The following STAC variants were observed in gnomAD, a reference collection of about 807,000 sequenced individuals.
The protein encoded by STAC is SH3 and cysteine-rich domain-containing protein.
In STAC, 43 loss-of-function variants were observed where a neutral mutation model predicts 48.8. The observed-to-expected ratio is 0.88, with a 90% CI of 0.69 to 1.14. STAC has a LOEUF of 1.14. Among genes scored for constraint, STAC ranks in the 50% most tolerant of loss-of-function variants. The pLI is 0.00. For synonymous variants in STAC, 193 were observed against 179.5 expected, an observed-to-expected ratio of 1.07 and a Z score of -0.60; for missense variants, 497 against 504.0, an observed-to-expected ratio of 0.99 and a Z score of 0.13.
At chr3:36,536,717 A>G (rs1374247746) in intron 10 of STAC, among the ~76,000 whole-genome samples, 2 of 152,210 alleles carry the variant, frequency 1.3e-5, no homozygotes, top group Non-Finnish European at 2.9e-5. Flanking sequence ...GCACAGCAAA[A>G]GAAACTATCA....
chr3:36,412,428 T>C (rs919783501), intron 1 of STAC, among the ~76,000 whole-genome samples: 78 of 150,778 alleles, frequency 5.2e-4, no homozygotes, highest in African/African-American at 1.8e-3. Context: ...CCAAGAAAAA[T>C]AGAGGTTTTT....
intron 1 of STAC, among the ~76,000 whole-genome samples, chr3:36,428,526 A>G (rs1321860735): frequency 6.6e-6 from 1 of 152,232 alleles, no homozygotes; most frequent in Admixed American, 6.5e-5. Flanking sequence ...AAAAGTTAAG[A>G]AACAAAATCA....
At chr3:36,464,056 A>G (rs1465824270) in intron 2 of STAC, among the ~76,000 whole-genome samples, 1 of 152,150 alleles carries the variant, frequency 6.6e-6, no homozygotes, top group Non-Finnish European at 1.5e-5. Context: ...GCTGGGTCAA[A>G]TGGTATTTCT....
At chr3:36,526,122 A>C (rs1575262430) in intron 8 of STAC, among the ~76,000 whole-genome samples, 1 of 152,190 alleles carries the variant, frequency 6.6e-6, no homozygotes, top group Non-Finnish European at 1.5e-5. Context: ...CCAGAGACCA[A>C]AGAATACTCA....
intron 10 of STAC, among the ~76,000 whole-genome samples, chr3:36,538,054 G>C (rs1327235756): frequency 2.0e-5 from 3 of 151,962 alleles, no homozygotes; most frequent in African/African-American, 7.3e-5. Context: ...AGATAAAATA[G>C]AGACCATAAG....
intron 1 of STAC, among the ~76,000 whole-genome samples, chr3:36,426,446 A>G (rs1463488493): frequency 6.6e-6 from 1 of 152,274 alleles, no homozygotes; most frequent in East Asian, 1.9e-4. Context: ...CTAAGTTCCT[A>G]TAAATCTAAC....
intron 10 of STAC, among the ~76,000 whole-genome samples, chr3:36,535,887 T>C (rs1363988790): frequency 6.6e-6 from 1 of 152,190 alleles, no homozygotes; most frequent in African/African-American, 2.4e-5. Context: ...TTACCAAGGA[T>C]TTTTACATCG....
chr3:36,493,075 C>A, intron 5 of STAC, 76 bp from the exon 6 acceptor site: 1 of 1,436,744 alleles, frequency 7.0e-7, no homozygotes, highest in Non-Finnish European at 9.7e-7. Context: ...CCTAAGCTCT[C>A]TTACACCAAA....
intron 10 of STAC, among the ~76,000 whole-genome samples, chr3:36,544,985 T>C (rs1019820853): frequency 2.6e-5 from 4 of 152,332 alleles, no homozygotes; most frequent in African/African-American, 7.2e-5. Flanking sequence ...TCAAGCTCTT[T>C]GAGTGTCCTA....
intron 6 of STAC, among the ~76,000 whole-genome samples, chr3:36,494,151 CAAAA>C (rs751587518): frequency 1.2e-3 from 71 of 56,894 alleles, no homozygotes; most frequent in Admixed American, 2.6e-3. Flanking sequence ...GACTCCGTCT[CAAAA>C]AAAAAAAAAA....
chr3:36,381,145 G>T (rs1349401577), intron 1 of STAC, among the ~76,000 whole-genome samples: 1 of 152,070 alleles, frequency 6.6e-6, no homozygotes. Context: ...CTTGAGTACT[G>T]GGCCAGAAAA....
chr3:36,515,602 A>G (rs1698651670), intron 8 of STAC, among the ~76,000 whole-genome samples: 1 of 152,216 alleles, frequency 6.6e-6, no homozygotes, highest in African/African-American at 2.4e-5. Flanking sequence ...GAAAGCGGGT[A>G]GAGGAACAGT....
At chr3:36,447,437 C>A (rs1696539193) in intron 2 of STAC, among the ~76,000 whole-genome samples, 1 of 152,106 alleles carries the variant, frequency 6.6e-6, no homozygotes. Flanking sequence ...ATGAACCTTG[C>A]AATTGCTGTA....
At chr3:36,496,528 A>C (rs569425862) in intron 6 of STAC, among the ~76,000 whole-genome samples, 1 of 152,220 alleles carries the variant, frequency 6.6e-6, no homozygotes, top group Non-Finnish European at 1.5e-5. Context: ...TCCTTGAGGA[A>C]TATCTCCAAA....
At chr3:36,477,678 A>T (rs1697528911) in intron 2 of STAC, among the ~76,000 whole-genome samples, 1 of 152,188 alleles carries the variant, frequency 6.6e-6, no homozygotes, top group African/African-American at 2.4e-5. Context: ...CTACCTCCTA[A>T]TCAGTGTTGT....
At chr3:36,479,482 A>G (rs1261329095) in intron 2 of STAC, among the ~76,000 whole-genome samples, 1 of 152,078 alleles carries the variant, frequency 6.6e-6, no homozygotes, top group Non-Finnish European at 1.5e-5. Flanking sequence ...AAATTCCTGG[A>G]CTGTAATTTT....
chr3:36,440,060 C>T (rs948030892), intron 1 of STAC, among the ~76,000 whole-genome samples: 2 of 152,196 alleles, frequency 1.3e-5, no homozygotes, highest in East Asian at 1.9e-4. Flanking sequence ...GTTGTTACAG[C>T]GTCTCTGGCT....
intron 8 of STAC, among the ~76,000 whole-genome samples, chr3:36,525,878 T>C (rs1698920149): frequency 6.6e-6 from 1 of 152,232 alleles, no homozygotes. Context: ...CTGATGAAGA[T>C]AGATATTAAC....
intron 1 of STAC, among the ~76,000 whole-genome samples, chr3:36,383,204 A>T (rs1699550919): frequency 6.6e-6 from 1 of 152,206 alleles, no homozygotes; most frequent in Non-Finnish European, 1.5e-5. Context: ...CGAGAACAAT[A>T]GTGAGCATCT....
Sources: gnomAD v4.1 joint callset for allele counts (sites outside exome capture counted in the v4.1 genomes callset) on GRCh38, gnomAD v4.1.1 for gene constraint, MANE v1.5 for transcripts, NCBI Gene and HGNC (gene_info 2026-07-23, HGNC 2026-07-21) for gene names.